TMEM135: variants seen among roughly 807,000 people sequenced by gnomAD.
TMEM135 encodes peroxisomal membrane protein 52.
In TMEM135, 30 loss-of-function variants were observed where a neutral mutation model predicts 60.3. That is an observed-to-expected ratio of 0.50 (90% CI 0.37 to 0.68). The LOEUF (loss-of-function observed/expected upper bound fraction) is 0.68. TMEM135 is among the 30% of genes least tolerant of loss of function. TMEM135 has a pLI of 0.00. For missense variants in TMEM135, 468 were observed against 548.8 expected (o/e 0.85, Z 1.47); for synonymous variants, 190 against 186.7 (o/e 1.02, Z -0.14).
intron 5 of TMEM135, among the ~76,000 whole-genome samples, chr11:87,208,822 G>T (rs1940297151): frequency 6.6e-6 from 1 of 152,168 alleles, no homozygotes; most frequent in South Asian, 2.1e-4. Flanking sequence ...GAGACAAGGG[G>T]CAGGTCACTT....
At chr11:87,263,333 C>T (rs183175273) in intron 6 of TMEM135, among the ~76,000 whole-genome samples, 105 of 152,284 alleles carry the variant, frequency 6.9e-4, no homozygotes, top group African/African-American at 2.3e-3. Flanking sequence ...AATTCTGATT[C>T]TTCATATTTT....
intron 5 of TMEM135, among the ~76,000 whole-genome samples, chr11:87,215,119 C>T (rs1351941483): frequency 5.3e-5 from 8 of 152,110 alleles, no homozygotes; most frequent in African/African-American, 1.9e-4. Context: ...TTAGAACATA[C>T]TAAACAACTT....
chr11:87,054,451 AAAAG>A (rs1949873010), intron 1 of TMEM135, among the ~76,000 whole-genome samples: 1 of 152,152 alleles, frequency 6.6e-6, no homozygotes, highest in Non-Finnish European at 1.5e-5. Context: ...AAAAAAGAAA[AAAAG>A]AAAAATATTT....
rs906923465 is a variant in TMEM135 at position 87,326,605 on chromosome 11, T to C, written c.*5272T>C. On this transcript the variant is annotated 3_prime_UTR_variant, in exon 15 of 15. Transcript: ENST00000305494. ...AAACATATTTTAAGCCTTATCTCTTTTCTCCTATTCTTTTCTTTACCTTTC... is the reference window on the plus strand; with the variant it reads ...AAACATATTTTAAGCCTTATCTCTTCTCTCCTATTCTTTTCTTTACCTTTC... The C allele has an allele frequency of 5.9e-5, 27 of 454,004 alleles. No individual in the cohort carries two copies. Among genetic ancestry groups the C allele is most frequent in the East Asian group, 1.4e-4 (2 of 14,406 alleles). The allele number at this position is 454,004 out of a possible 1,614,324, so 28.1% of individuals were successfully genotyped here.
chr11:87,322,053 T>TG lies in TMEM135; in HGVS notation c.*722dup. The TG allele has an allele frequency of 4.4e-6, 2 of 454,442 alleles. No homozygotes were observed. Among genetic ancestry groups the TG allele is most frequent in the South Asian group, 3.1e-5 (2 of 64,472 alleles). 28.2% of individuals were successfully genotyped at this position (454,442 alleles called of 1,614,324 possible). A position where few individuals can be genotyped will look rare whatever the true frequency, so the allele number is the denominator to read the frequency against. On this transcript the variant is annotated 3_prime_UTR_variant, in exon 15 of 15. Coordinates refer to ENST00000305494, the MANE Select transcript of TMEM135 (RefSeq NM_022918.4). ...ATGGCAAGTTAGGGGCAAATGGAAA[T>TG]GGACACATCCGATAAAGTTGAAATG...
At position 87,258,476 on chromosome 11, in the gene TMEM135, G is replaced by C. The variant is rs138141741; in HGVS notation, c.509+21792G>C. On this transcript the variant is annotated intron_variant, in intron 6 of 14. Transcript: ENST00000305494. ...CCTCCCCAACAGCTCCATTCTTTAA[G>C]GAAAAAAAAGAAAGCAGTCATTAAT... Among the ~76,000 whole-genome samples the C allele has an allele frequency of 5.3e-3, 812 of 151,902 alleles. 5 individuals are homozygous for C. The highest frequency in any genetic ancestry group is 0.031 in the Middle Eastern group (9 of 294).
At chr11:87,187,610 C>T (rs927845500) in intron 5 of TMEM135, among the ~76,000 whole-genome samples, 6 of 152,070 alleles carry the variant, frequency 3.9e-5, no homozygotes, top group Non-Finnish European at 7.4e-5. Context: ...ACATGCTGTG[C>T]GTGTATGTGT....
intron 6 of TMEM135, among the ~76,000 whole-genome samples, chr11:87,259,608 T>A (rs1379004778): frequency 1.3e-5 from 2 of 152,208 alleles, no homozygotes; most frequent in African/African-American, 4.8e-5. Context: ...TGTTGTATAG[T>A]TTCAGTGAAT....
At position 87,270,938 on chromosome 11, in the gene TMEM135, T is replaced by C. The variant is rs574816158; in HGVS notation, c.510-24844T>C. Among the ~76,000 whole-genome samples, 189 of 151,078 alleles carry C rather than the reference T, an allele frequency of 1.3e-3. 1 individual carries two copies. Among genetic ancestry groups the C allele is most frequent in the African/African-American group, 4.3e-3 (177 of 41,286 alleles). On this transcript the variant is annotated intron_variant, in intron 6 of 14. Transcript: ENST00000305494. ...GCTGTCATTATTCTTTGGCTACAGA[T>C]TGCTGTGTATTTTCTCTCACAAGCT... is the stretch of plus-strand genomic sequence containing the variant.
intron 6 of TMEM135, among the ~76,000 whole-genome samples, chr11:87,271,728 G>C (rs1184324965): frequency 6.6e-6 from 1 of 152,122 alleles, no homozygotes; most frequent in East Asian, 1.9e-4. Context: ...GAGCCCAGGA[G>C]TTCAAGATTA....
chr11:87,100,322 A>C (rs1416281424), intron 4 of TMEM135, among the ~76,000 whole-genome samples: 9 of 152,204 alleles, frequency 5.9e-5, no homozygotes, highest in Non-Finnish European at 5.9e-5. Flanking sequence ...CTTCCTTTTT[A>C]TCTAAACAGA....
chr11:87,042,240 T>C (rs57933396), intron 1 of TMEM135, among the ~76,000 whole-genome samples: 23,292 of 152,246 alleles, frequency 0.15, 1,862 homozygotes, highest in Non-Finnish European at 0.17. Context: ...AAGGTCTGTC[T>C]GTCTAGATTC....
At chr11:87,109,147 G>A (rs976536339) in intron 4 of TMEM135, among the ~76,000 whole-genome samples, 3 of 152,120 alleles carry the variant, frequency 2.0e-5, no homozygotes, top group African/African-American at 4.8e-5. Flanking sequence ...ATTTTAGAGT[G>A]TGTACATATG....
At chr11:87,122,999 C>T (rs1402796716) in intron 4 of TMEM135, among the ~76,000 whole-genome samples, 2 of 152,050 alleles carry the variant, frequency 1.3e-5, no homozygotes, top group Non-Finnish European at 2.9e-5. Flanking sequence ...ACTTTGCCAG[C>T]GTAGAATGAA....
intron 6 of TMEM135, among the ~76,000 whole-genome samples, chr11:87,287,828 G>A (rs1292701705): frequency 6.6e-6 from 1 of 152,046 alleles, no homozygotes; most frequent in Non-Finnish European, 1.5e-5. Context: ...CCTCTTTCTA[G>A]CAAAACTTTT....
intron 2 of TMEM135, among the ~76,000 whole-genome samples, chr11:87,069,235 G>T (rs541241522): frequency 5.9e-5 from 8 of 135,256 alleles, no homozygotes; most frequent in Non-Finnish European, 7.6e-5. Context: ...GCAGTGAGCC[G>T]AGATTGCACC....
intron 6 of TMEM135, among the ~76,000 whole-genome samples, chr11:87,268,054 A>C (rs562417417): frequency 6.6e-6 from 1 of 151,978 alleles, no homozygotes; most frequent in African/African-American, 2.4e-5. Flanking sequence ...AACTAAACAA[A>C]GTCCTGTTCA....
At position 87,137,261 on chromosome 11, in the gene TMEM135, A is replaced by G. The variant is rs537617024; in HGVS notation, c.397-20080A>G. 5.8e-5 allele frequency among the ~76,000 whole-genome samples: 7 copies of G among 119,998 alleles called. No individual in the cohort carries two copies. In the East Asian group the frequency reaches 9.4e-4, roughly 16 times the overall value. 78.7% of individuals were successfully genotyped at this position (119,998 alleles called of 152,430 possible). A position where few individuals can be genotyped will look rare whatever the true frequency, so the allele number is the denominator to read the frequency against. On this transcript the variant is annotated intron_variant, in intron 4 of 14. Transcript: ENST00000305494. ...TTTTCATCTCTGGCACTCTATGCCT[A>G]TATCTAAAAAAAAAAAAATCACTGA...
At chr11:87,274,208 A>G (rs913527695) in intron 6 of TMEM135, among the ~76,000 whole-genome samples, 1 of 152,188 alleles carries the variant, frequency 6.6e-6, no homozygotes, top group Non-Finnish European at 1.5e-5. Flanking sequence ...ATAATTCTAA[A>G]TAAATGAAAT....
Sources: gnomAD v4.1 joint callset for allele counts (sites outside exome capture counted in the v4.1 genomes callset) on GRCh38, gnomAD v4.1.1 for gene constraint, MANE v1.5 for transcripts, NCBI Gene and HGNC (gene_info 2026-07-23, HGNC 2026-07-21) for gene names.